Variants in HMOX2 observed in about 807,000 individuals in gnomAD.
HMOX2 encodes heme oxygenase 2, also known as heme oxygenase (decycling) 2.
A neutral mutation model predicts 33.7 loss-of-function variants in HMOX2; 30 were observed. The ratio of observed to expected loss-of-function variants is 0.89; its 90% CI spans 0.67 to 1.21. HMOX2 has a LOEUF of 1.21. HMOX2 is among the 50% of genes most tolerant of loss of function. HMOX2 has a pLI of 0.00. For synonymous variants in HMOX2, 155 were observed against 155.0 expected (o/e 1.00, Z 0.00); for missense variants, 403 against 399.1 (o/e 1.01, Z -0.08).
intron 1 of HMOX2, among the ~76,000 whole-genome samples, chr16:4,499,816 C>G (rs1007279714): frequency 3.2e-4 from 48 of 152,146 alleles, no homozygotes; most frequent in Middle Eastern, 3.2e-3. Context: ...ACTTAGGAGT[C>G]AAGTCAGATC....
intron 1 of HMOX2, among the ~76,000 whole-genome samples, chr16:4,478,538 G>T (rs17883481): frequency 0.016 from 2,427 of 152,016 alleles, 16 homozygotes; most frequent in Middle Eastern, 0.061. Flanking sequence ...ATCACCTGAG[G>T]TCGGGAGATA....
intron 1 of HMOX2, among the ~76,000 whole-genome samples, chr16:4,481,217 C>T (rs187943976): frequency 2.1e-3 from 319 of 151,784 alleles, no homozygotes; most frequent in Non-Finnish European, 3.0e-3. Context: ...GGCATGGTGG[C>T]GGGCGCCTGT....
chr16:4,491,814 G>A (rs1448784461), intron 1 of HMOX2, among the ~76,000 whole-genome samples: 1 of 151,886 alleles, frequency 6.6e-6, no homozygotes, highest in African/African-American at 2.4e-5. Context: ...GTTCTGAGAA[G>A]CTAGGACTAT....
In HMOX2 at chr16:4,505,491, G is replaced by C; in HGVS notation, c.-34G>C. On this transcript the variant is annotated 5_prime_UTR_variant, in exon 2 of 6. Transcript: ENST00000570646. ...CTCCTTGTGTCTCTGCAGGACCAGA[G>C]GAGCGAGAGCAGCAAGAACCACACC... is the stretch of plus-strand genomic sequence containing the variant. 1 of 1,541,132 alleles carries C rather than the reference G, an allele frequency of 6.5e-7. No individual in the cohort carries two copies.
chr16:4,481,543 C>A (rs907989877), intron 1 of HMOX2, among the ~76,000 whole-genome samples: 1 of 152,044 alleles, frequency 6.6e-6, no homozygotes, highest in African/African-American at 2.4e-5. Flanking sequence ...CAGAATTGTT[C>A]TGGAAAGTCG....
chr16:4,478,659 G>A (rs2141501078), intron 1 of HMOX2, among the ~76,000 whole-genome samples: 1 of 152,102 alleles, frequency 6.6e-6, no homozygotes, highest in South Asian at 2.1e-4. Flanking sequence ...GAGCTACTTG[G>A]GAGGCCGAGG....
chr16:4,479,041 C>G (rs779071742), intron 1 of HMOX2, among the ~76,000 whole-genome samples: 6 of 152,026 alleles, frequency 3.9e-5, no homozygotes, highest in Non-Finnish European at 8.8e-5. Context: ...ATCCCAGCTA[C>G]TCGGGAGGCT....
chr16:4,504,838 C>T (rs1435795702), intron 1 of HMOX2, among the ~76,000 whole-genome samples: 2 of 151,722 alleles, frequency 1.3e-5, no homozygotes, highest in Non-Finnish European at 2.9e-5. Context: ...TACAAGTGTG[C>T]ACCACCATGC....
At chr16:4,506,315 C>T (rs1016187457) in intron 2 of HMOX2, among the ~76,000 whole-genome samples, 3 of 152,080 alleles carry the variant, frequency 2.0e-5, no homozygotes, top group African/African-American at 4.8e-5. Context: ...TGTGTAATTT[C>T]GTTAAGCAGC....
At chr16:4,488,938 G>T (rs2058241571) in intron 1 of HMOX2, among the ~76,000 whole-genome samples, 1 of 151,052 alleles carries the variant, frequency 6.6e-6, no homozygotes, top group Non-Finnish European at 1.5e-5. Flanking sequence ...CAATCCTCCT[G>T]CCTAGGACTC....
At chr16:4,494,381 G>T (rs1256133149) in intron 1 of HMOX2, among the ~76,000 whole-genome samples, 1 of 151,952 alleles carries the variant, frequency 6.6e-6, no homozygotes, top group Non-Finnish European at 1.5e-5. Flanking sequence ...GGTAATGCAT[G>T]GTGATCTGTT....
At chr16:4,507,686 G>C (rs765835449) in intron 3 of HMOX2, 27 bp from the exon 4 acceptor site, 3 of 1,604,584 alleles carry the variant, frequency 1.9e-6, no homozygotes, top group South Asian at 2.2e-5. Flanking sequence ...CTCAGGCATA[G>C]CTGGCCTCCT....
At chr16:4,507,675 G>C (rs147157616) in intron 3 of HMOX2, 38 bp from the exon 4 acceptor site, 1 of 1,597,140 alleles carries the variant, frequency 6.3e-7, no homozygotes, top group African/African-American at 1.3e-5. Context: ...GATGTGGTGT[G>C]CTCAGGCATA....
At chr16:4,477,315 A>G (rs2057884606) in intron 1 of HMOX2, among the ~76,000 whole-genome samples, 1 of 151,612 alleles carries the variant, frequency 6.6e-6, no homozygotes, top group African/African-American at 2.4e-5. Flanking sequence ...CCTGGCCAAC[A>G]TAGTGAAACC....
chr16:4,482,067 G>T (rs956281367), intron 1 of HMOX2, among the ~76,000 whole-genome samples: 4 of 152,130 alleles, frequency 2.6e-5, no homozygotes, highest in African/African-American at 9.7e-5. Context: ...GGAAAGTCAG[G>T]CCTTCGGTTG....
At chr16:4,499,582 G>C (rs11076834) in intron 1 of HMOX2, among the ~76,000 whole-genome samples, 81,461 of 152,108 alleles carry the variant, frequency 0.54, 25,355 homozygotes, top group Non-Finnish European at 0.69. Flanking sequence ...AAGGTCTGAT[G>C]ATCTGCCTTA....
At chr16:4,494,770 T>C (rs536435073) in intron 1 of HMOX2, among the ~76,000 whole-genome samples, 1 of 152,106 alleles carries the variant, frequency 6.6e-6, no homozygotes, top group South Asian at 2.1e-4. Flanking sequence ...TCCCAGCTGC[T>C]TTGGGGGCTG....
At chr16:4,478,550 A>G (rs772602983) in intron 1 of HMOX2, among the ~76,000 whole-genome samples, 15 of 152,050 alleles carry the variant, frequency 9.9e-5, no homozygotes, top group Non-Finnish European at 1.9e-4. Flanking sequence ...CGGGAGATAG[A>G]GACCAGCCTG....
At chr16:4,497,368 C>A (rs1386683434) in intron 1 of HMOX2, among the ~76,000 whole-genome samples, 1 of 152,172 alleles carries the variant, frequency 6.6e-6, no homozygotes, top group East Asian at 1.9e-4. Context: ...CTGTAAAAAT[C>A]CCACCAGAAC....
Sources: gnomAD v4.1 joint callset for allele counts (sites outside exome capture counted in the v4.1 genomes callset) on GRCh38, gnomAD v4.1.1 for gene constraint, MANE v1.5 for transcripts, NCBI Gene and HGNC (gene_info 2026-07-23, HGNC 2026-07-21) for gene names.